The following PCSK6 variants were observed in gnomAD, a reference collection of about 807,000 sequenced individuals.
The protein encoded by PCSK6 is paired basic amino acid cleaving enzyme 4.
PCSK6 carries 85 observed loss-of-function variants against 123.3 expected under a neutral mutation model. The observed-to-expected ratio is 0.69, with a 90% confidence interval of 0.58 to 0.83. PCSK6 has a LOEUF of 0.83. Ranked by LOEUF, PCSK6 falls within the 40% of genes least tolerant of loss-of-function variation. PCSK6 has a pLI of 0.00. For missense variants in PCSK6, 1,191 were observed against 1,282.3 expected (o/e 0.93, Z 1.09); for synonymous variants, 508 against 516.0 (o/e 0.98, Z 0.21).
chr15:101,427,762 G>T, intron 6 of PCSK6, 130 bp downstream of exon 6: 2 of 656,790 alleles, frequency 3.0e-6, no homozygotes, highest in Non-Finnish European at 5.3e-6. Context: ...GCACTGCTGC[G>T]TCTGGCCCAG....
intron 11 of PCSK6, among the ~76,000 whole-genome samples, chr15:101,381,458 G>A (rs2041908701): frequency 6.6e-6 from 1 of 152,218 alleles, no homozygotes; most frequent in Non-Finnish European, 1.5e-5. Flanking sequence ...TCACGGGAGA[G>A]AGATGAAGCC....
intron 18 of PCSK6, among the ~76,000 whole-genome samples, chr15:101,322,169 G>A (rs958882741): frequency 1.1e-4 from 17 of 152,172 alleles, no homozygotes; most frequent in Non-Finnish European, 4.4e-5. Context: ...GAGAGGGTGG[G>A]TGAGCCGCTA....
intron 1 of PCSK6, among the ~76,000 whole-genome samples, chr15:101,484,047 G>A (rs975338156): frequency 2.6e-5 from 4 of 152,014 alleles, no homozygotes; most frequent in African/African-American, 7.3e-5. Flanking sequence ...GTCAATATAC[G>A]TGTGTTTATA....
At chr15:101,393,839 T>C (rs114186580) in intron 7 of PCSK6, among the ~76,000 whole-genome samples, 1 of 152,352 alleles carries the variant, frequency 6.6e-6, no homozygotes, top group African/African-American at 2.4e-5. Flanking sequence ...AACTTTAATT[T>C]TTCTGGGTTG....
At chr15:101,344,249 C>T (rs1473380880) in intron 13 of PCSK6, among the ~76,000 whole-genome samples, 1 of 152,146 alleles carries the variant, frequency 6.6e-6, no homozygotes, top group Non-Finnish European at 1.5e-5. Flanking sequence ...ATCTCTCCCT[C>T]CTGTGTGAGT....
chr15:101,369,199 G>C, intron 12 of PCSK6, among the ~76,000 whole-genome samples: 1 of 152,206 alleles, frequency 6.6e-6, no homozygotes. Context: ...GTGCTGTGGG[G>C]GGCACAGCAC....
intron 7 of PCSK6, among the ~76,000 whole-genome samples, chr15:101,395,134 T>G (rs900684966): frequency 2.0e-5 from 3 of 152,194 alleles, no homozygotes; most frequent in Non-Finnish European, 4.4e-5. Flanking sequence ...ACACTGCCAC[T>G]CCTAACTCCC....
chr15:101,380,788 T>C (rs983080838), intron 11 of PCSK6, among the ~76,000 whole-genome samples: 6 of 152,234 alleles, frequency 3.9e-5, no homozygotes, highest in Non-Finnish European at 5.9e-5. Context: ...AGTAGAGGCA[T>C]ATTCAAGGAA....
chr15:101,441,747 C>T (rs760266509), intron 2 of PCSK6, among the ~76,000 whole-genome samples: 2 of 152,202 alleles, frequency 1.3e-5, no homozygotes, highest in Non-Finnish European at 2.9e-5. Flanking sequence ...AGATGGGCTT[C>T]CTGCATGCAA....
rs8031917 is a variant in PCSK6 at position 101,362,344 on chromosome 15, T to C, written c.1858+3852A>G. On this transcript the variant is annotated intron_variant, in intron 13 of 21. Coordinates refer to ENST00000611716, the MANE Select transcript of PCSK6 (RefSeq NM_002570.5). ...ACAAGCTCAGAGCCAGTTAGACCCATGCCCAGAAGCAGGAGGCTGCTGCAG... is the reference window on the plus strand; with the variant it reads ...ACAAGCTCAGAGCCAGTTAGACCCACGCCCAGAAGCAGGAGGCTGCTGCAG... Among the ~76,000 whole-genome samples the C allele has an allele frequency of 2.2e-3, 342 of 152,276 alleles. 3 individuals carry two copies. Among genetic ancestry groups the C allele is most frequent in the African/African-American group, 7.9e-3 (330 of 41,538 alleles).
chr15:101,372,853 A>G (rs1054883076), intron 11 of PCSK6, among the ~76,000 whole-genome samples: 2 of 152,134 alleles, frequency 1.3e-5, no homozygotes, highest in African/African-American at 4.8e-5. Flanking sequence ...AAAAGCCTTA[A>G]CCAAGTTGAA....
chr15:101,454,980 G>A (rs62027207), intron 1 of PCSK6, among the ~76,000 whole-genome samples: 42,460 of 96,666 alleles, frequency 0.44, 6,197 homozygotes, highest in South Asian at 0.51. Context: ...ATGAATGAAT[G>A]AATAAATAAA....
chr15:101,475,911 G>C (rs1407724636), intron 1 of PCSK6, among the ~76,000 whole-genome samples: 2 of 152,132 alleles, frequency 1.3e-5, no homozygotes, highest in African/African-American at 4.8e-5. Context: ...CACAAAATCG[G>C]TGGGGCCCAC....
intron 1 of PCSK6, among the ~76,000 whole-genome samples, chr15:101,475,652 A>ATTTTTT (rs35792381): frequency 8.2e-6 from 1 of 122,698 alleles, no homozygotes; most frequent in African/African-American, 3.2e-5. Flanking sequence ...CACTTGGCTA[A>ATTTTTT]TTTTTTTTTT....
chr15:101,310,214 G>A (rs889701815), intron 20 of PCSK6, among the ~76,000 whole-genome samples: 1 of 152,236 alleles, frequency 6.6e-6, no homozygotes, highest in Non-Finnish European at 1.5e-5. Context: ...TCCAAGACCC[G>A]GTGTGTCAGC....
intron 6 of PCSK6, among the ~76,000 whole-genome samples, chr15:101,420,992 G>A (rs2056066676): frequency 6.6e-6 from 1 of 152,144 alleles, no homozygotes; most frequent in South Asian, 2.1e-4. Flanking sequence ...TGTTGCCCAG[G>A]CTGGAGTGCA....
intron 13 of PCSK6, chr15:101,336,831 G>C (rs1296883868): frequency 6.6e-6 from 1 of 152,132 alleles, no homozygotes. Context: ...ACAACCTGCG[G>C]AGCTGAGAGC....
chr15:101,402,381 C>T (rs1006819570), intron 6 of PCSK6, among the ~76,000 whole-genome samples: 18 of 150,844 alleles, frequency 1.2e-4, no homozygotes, highest in Admixed American at 2.0e-4. Flanking sequence ...ATGTCTAAAA[C>T]ACCAAAAGCA....
chr15:101,390,742 G>T (rs1419414381), intron 8 of PCSK6, among the ~76,000 whole-genome samples: 1 of 152,200 alleles, frequency 6.6e-6, no homozygotes, highest in Non-Finnish European at 1.5e-5. Flanking sequence ...CCTCCGGAAG[G>T]AACCACGGCC....
Sources: gnomAD v4.1 joint callset for allele counts (sites outside exome capture counted in the v4.1 genomes callset) on GRCh38, gnomAD v4.1.1 for gene constraint, MANE v1.5 for transcripts, NCBI Gene and HGNC (gene_info 2026-07-23, HGNC 2026-07-21) for gene names.